The following CNTNAP5 variants were observed in gnomAD, a reference collection of about 807,000 sequenced individuals.
The protein encoded by CNTNAP5 is contactin-associated protein-like 5.
Under a neutral mutation model 150.2 loss-of-function variants are expected in CNTNAP5, and 72 were observed. The ratio of observed to expected loss-of-function variants is 0.48; its 90% CI spans 0.40 to 0.58. The LOEUF is 0.58. CNTNAP5 is among the 20% of genes least tolerant of loss of function. The probability of loss-of-function intolerance (pLI) is 0.00; values close to 1 mark genes in which losing one functional copy is unlikely to be tolerated. For missense variants in CNTNAP5, 1,636 were observed against 1,626.2 expected, an observed-to-expected ratio of 1.01 and a Z score of -0.10; for synonymous variants, 672 against 619.8, an observed-to-expected ratio of 1.08 and a Z score of -1.25.
chr2:124,617,909 G>A (rs891381192), intron 12 of CNTNAP5, among the ~76,000 whole-genome samples: 36 of 152,192 alleles, frequency 2.4e-4, no homozygotes, highest in African/African-American at 8.2e-4. Context: ...ACCTGAATAG[G>A]AGTAGAAGCT....
Position 124,098,562 on chromosome 2 carries a change from A to G in CNTNAP5, c.82+72830A>G, listed in dbSNP as rs1445811909. On this transcript the variant is annotated intron_variant, in intron 1 of 23. Coordinates refer to ENST00000682447, the MANE Select transcript of CNTNAP5 (RefSeq NM_001367498.1). ...CGTGTAGTAAATCATAATCCTGAAGACAACCCTAAGAAGTAGTGTCCCATT... is the reference window on the plus strand; with the variant it reads ...CGTGTAGTAAATCATAATCCTGAAGGCAACCCTAAGAAGTAGTGTCCCATT... 3.2e-4 allele frequency among the ~76,000 whole-genome samples: 49 copies of G among 152,174 alleles called. 1 individual carries two copies.
intron 7 of CNTNAP5, among the ~76,000 whole-genome samples, chr2:124,475,405 G>C (rs571722623): frequency 6.6e-6 from 1 of 152,008 alleles, no homozygotes; most frequent in Admixed American, 6.6e-5. Flanking sequence ...AGTTTCATGA[G>C]GGTCAGGACT....
At chr2:124,786,372 A>G (rs867969129) in intron 17 of CNTNAP5, among the ~76,000 whole-genome samples, 79 of 75,918 alleles carry the variant, frequency 1.0e-3, no homozygotes, top group African/African-American at 4.0e-3. Context: ...AGAAAGAAAG[A>G]AAGAAAGAAA....
chr2:124,718,578 T>C (rs1207261438), intron 13 of CNTNAP5, among the ~76,000 whole-genome samples: 1 of 152,148 alleles, frequency 6.6e-6, no homozygotes, highest in Non-Finnish European at 1.5e-5. Context: ...CTGCTGTTGC[T>C]GCAACAGTGT....
At chr2:124,666,847 A>T (rs1477666438) in intron 13 of CNTNAP5, among the ~76,000 whole-genome samples, 1 of 152,064 alleles carries the variant, frequency 6.6e-6, no homozygotes, top group Non-Finnish European at 1.5e-5. Context: ...TTTCTTTCCC[A>T]TACTGACCTC....
chr2:124,861,905 C>T (rs915333936), intron 19 of CNTNAP5, among the ~76,000 whole-genome samples: 3 of 152,154 alleles, frequency 2.0e-5, no homozygotes, highest in South Asian at 4.1e-4. Context: ...CCTCTACCTC[C>T]CAGGTTGAAG....
Position 124,647,925 on chromosome 2 carries a change from C to T in CNTNAP5, c.2044C>T (p.His682Tyr). 2 of 1,607,334 alleles carry T rather than the reference C, an allele frequency of 1.2e-6. No homozygotes were observed. The highest frequency in any genetic ancestry group is 2.2e-5 in the East Asian group (1 of 44,546). Reference protein sequence around the residue: ...SEHCEQEVAYHCRRSRLLNTP... With the variant: ...SEHCEQEVAYYCRRSRLLNTP... ...GCACTGTGAGCAGGAGGTGGCCTAC[C>T]ACTGCAGGAGGTCCCGCCTGCTCAA... The change falls in exon 13 of 24, where the codon CAC becomes TAC. Residue 682 changes from histidine to tyrosine, a missense_variant. By Grantham distance (83) the His-to-Tyr change is moderately conservative. Coordinates refer to ENST00000682447, the MANE Select transcript of CNTNAP5 (RefSeq NM_001367498.1).
intron 19 of CNTNAP5, among the ~76,000 whole-genome samples, chr2:124,844,679 G>C (rs1255817277): frequency 6.6e-6 from 1 of 151,980 alleles, no homozygotes; most frequent in East Asian, 1.9e-4. Flanking sequence ...ACTTCTTTCA[G>C]CAGTGTTTTG....
At chr2:124,869,055 C>T (rs1446892136) in intron 20 of CNTNAP5, among the ~76,000 whole-genome samples, 2 of 152,074 alleles carry the variant, frequency 1.3e-5, no homozygotes, top group Non-Finnish European at 2.9e-5. Flanking sequence ...AAATAAAGTC[C>T]TACTGAAGTC....
chr2:124,678,724 A>G (rs1045515439), intron 13 of CNTNAP5, among the ~76,000 whole-genome samples: 3 of 151,800 alleles, frequency 2.0e-5, no homozygotes, highest in Non-Finnish European at 4.4e-5. Flanking sequence ...CTCCTTCTCC[A>G]ACTCTCCTTG....
intron 3 of CNTNAP5, among the ~76,000 whole-genome samples, chr2:124,350,214 T>C (rs1041829692): frequency 9.2e-5 from 14 of 152,126 alleles, no homozygotes; most frequent in African/African-American, 3.1e-4. Context: ...CAAATTCTTC[T>C]TGAAAGATGA....
chr2:124,220,468 G>A (rs1686275781), intron 1 of CNTNAP5, among the ~76,000 whole-genome samples: 1 of 152,048 alleles, frequency 6.6e-6, no homozygotes, highest in African/African-American at 2.4e-5. Context: ...CAGATTCTCT[G>A]CTAGGGTCCC....
intron 3 of CNTNAP5, among the ~76,000 whole-genome samples, chr2:124,334,916 G>C (rs1689434861): frequency 6.6e-6 from 1 of 151,906 alleles, no homozygotes; most frequent in Admixed American, 6.6e-5. Context: ...TATTCCAACA[G>C]AGACTCAATC....
At chr2:124,339,897 A>T (rs1689568287) in intron 3 of CNTNAP5, among the ~76,000 whole-genome samples, 1 of 152,094 alleles carries the variant, frequency 6.6e-6, no homozygotes, top group Admixed American at 6.6e-5. Context: ...CCATAGAATC[A>T]GTTGAGTTAT....
intron 3 of CNTNAP5, among the ~76,000 whole-genome samples, chr2:124,413,902 T>TAAA (rs1691845707): frequency 8.0e-6 from 1 of 124,652 alleles, no homozygotes; most frequent in African/African-American, 3.9e-5. Flanking sequence ...AATAAATAAA[T>TAAA]TAAAAAAAAA....
rs779014285 is a variant in CNTNAP5, at chr2:124,747,257, G to A, written c.2106G>A (p.Gly702=). The change falls in exon 14 of 24, where the codon GGG becomes GGA. Residue 702 remains glycine (G), a synonymous_variant. Transcript: ENST00000682447. ...PDGTPFTWWI[G]RSNERHPYWG... Reference sequence around the variant, plus strand: ...GAACACCATTTACCTGGTGGATTGGGCGGTCCAATGAAAGGCACCCTTACT... The same window carrying A: ...GAACACCATTTACCTGGTGGATTGGACGGTCCAATGAAAGGCACCCTTACT... 13 of 1,613,486 alleles carry A rather than the reference G, an allele frequency of 8.1e-6. No homozygotes were observed. Among genetic ancestry groups the A allele is most frequent in the Middle Eastern group, 3.3e-4 (2 of 6,080 alleles).
At chr2:124,662,157 C>T (rs550444362) in intron 13 of CNTNAP5, among the ~76,000 whole-genome samples, 177 of 152,324 alleles carry the variant, frequency 1.2e-3, no homozygotes, top group Non-Finnish European at 2.0e-3. Flanking sequence ...AGGACATGAA[C>T]TCATCCTTTT....
chr2:124,215,731 A>G lies in CNTNAP5; in HGVS notation c.83-5974A>G, dbSNP rs1033565391. On this transcript the variant is annotated intron_variant, in intron 1 of 23. Coordinates refer to ENST00000682447, the MANE Select transcript of CNTNAP5 (RefSeq NM_001367498.1). ...GAAAGGCAAAAAAAAAAAAAAAAAA[A>G]AAGAAGAGAAATTCAAATTATCCTG... Among the ~76,000 whole-genome samples the G allele has an allele frequency of 1.0e-4, 15 of 147,608 alleles. No individual in the cohort carries two copies. In the South Asian group the frequency reaches 1.1e-3, roughly 11 times the overall value.
chr2:124,533,146 G>A (rs1695148374), intron 10 of CNTNAP5, among the ~76,000 whole-genome samples: 1 of 151,942 alleles, frequency 6.6e-6, no homozygotes, highest in Non-Finnish European at 1.5e-5. Context: ...TAGGTGCCAA[G>A]GTTATGGTCT....
Sources: allele counts gnomAD v4.1 joint callset (sites outside exome capture counted in the v4.1 genomes callset), GRCh38; gene constraint gnomAD v4.1.1; transcripts MANE v1.5; gene names NCBI Gene and HGNC (gene_info 2026-07-23, HGNC 2026-07-21).